Variants in COL14A1 observed in about 807,000 individuals in gnomAD.
COL14A1 encodes collagen type XIV alpha 1 chain.
Under a neutral mutation model 230.3 loss-of-function variants are expected in COL14A1, and 136 were observed. The ratio of observed to expected loss-of-function variants is 0.59; its 90% confidence interval spans 0.51 to 0.68. The LOEUF is 0.68. Ranked by LOEUF, COL14A1 falls within the 30% of genes least tolerant of loss-of-function variation. The pLI is 0.00. For synonymous variants in COL14A1, 792 were observed against 784.1 expected (o/e 1.01, Z -0.17); for missense variants, 1,976 against 2,215.8 (o/e 0.89, Z 2.17).
chr8:120,214,852 T>C (rs1817703377), intron 13 of COL14A1, among the ~76,000 whole-genome samples: 1 of 152,086 alleles, frequency 6.6e-6, no homozygotes, highest in Non-Finnish European at 1.5e-5. Flanking sequence ...CATAGAAAGC[T>C]TCACCAAGCA....
chr8:120,315,845 T>C, intron 39 of COL14A1, 99 bp from the exon 40 acceptor site: 1 of 1,221,300 alleles, frequency 8.2e-7, no homozygotes. Context: ...CATTATGCTC[T>C]TAGGTTTGTT....
chr8:120,247,291 T>A (rs141965897), intron 20 of COL14A1, among the ~76,000 whole-genome samples: 1,826 of 152,110 alleles, frequency 0.012, 32 homozygotes, highest in African/African-American at 0.041. Flanking sequence ...GACGTGGTGG[T>A]ACGTGCCTGT....
chr8:120,262,488 CA>C (rs900107533), intron 23 of COL14A1, among the ~76,000 whole-genome samples: 2 of 151,638 alleles, frequency 1.3e-5, no homozygotes, highest in Non-Finnish European at 2.9e-5. Flanking sequence ...AAAACAAAAA[CA>C]AAAACAAAAA....
chr8:120,299,456 T>G (rs1293341167), intron 35 of COL14A1, among the ~76,000 whole-genome samples: 1 of 152,122 alleles, frequency 6.6e-6, no homozygotes, highest in Non-Finnish European at 1.5e-5. Context: ...CTCTGTTGTA[T>G]CAAGCAAAGA....
chr8:120,168,902 C>T (rs1348804737), intron 5 of COL14A1, among the ~76,000 whole-genome samples: 4 of 152,134 alleles, frequency 2.6e-5, no homozygotes, highest in African/African-American at 9.7e-5. Context: ...GTCACCCAGG[C>T]TAGAATTTAG....
chr8:120,264,442 A>T (rs16893781), intron 24 of COL14A1, among the ~76,000 whole-genome samples: 2,363 of 152,240 alleles, frequency 0.016, 57 homozygotes, highest in African/African-American at 0.053. Flanking sequence ...TTATGGCTTT[A>T]GGCGATTCAG....
intron 23 of COL14A1, among the ~76,000 whole-genome samples, chr8:120,256,951 T>C (rs1295973884): frequency 6.6e-6 from 1 of 152,240 alleles, no homozygotes; most frequent in Non-Finnish European, 1.5e-5. Flanking sequence ...ACTATATATG[T>C]TGACACAACG....
In COL14A1 at chr8:120,239,832, G is replaced by GT. The variant is rs778744181; in HGVS notation, c.2350-4037dup. On this transcript the variant is annotated intron_variant, in intron 19 of 47. Coordinates refer to ENST00000297848, the MANE Select transcript of COL14A1 (RefSeq NM_021110.4). ...TTGTTTTGTTTTGTTTCTGTTTTTT[G>GT]TTTTTTTTTTGTTTGTTTGCTTTTT... Among the ~76,000 whole-genome samples, 336 of 99,142 alleles carry GT rather than the reference G, an allele frequency of 3.4e-3. 1 individual carries two copies. The highest frequency in any genetic ancestry group is 0.014 in the African/African-American group (267 of 19,320). The allele number at this position is 99,142 out of a possible 152,430, so 65.0% of individuals were successfully genotyped here.
At chr8:120,135,348 C>T (rs930798884) in intron 1 of COL14A1, among the ~76,000 whole-genome samples, 1 of 152,140 alleles carries the variant, frequency 6.6e-6, no homozygotes, top group East Asian at 1.9e-4. Flanking sequence ...ACTGAAACCT[C>T]CACCTTCCAG....
At chr8:120,153,289 C>T (rs996585990) in intron 2 of COL14A1, among the ~76,000 whole-genome samples, 1 of 152,092 alleles carries the variant, frequency 6.6e-6, no homozygotes, top group Non-Finnish European at 1.5e-5. Context: ...CTCAAGTGAT[C>T]CTCCTATCTC....
At chr8:120,172,683 T>G (rs1333583043) in intron 5 of COL14A1, among the ~76,000 whole-genome samples, 1 of 152,160 alleles carries the variant, frequency 6.6e-6, no homozygotes, top group East Asian at 1.9e-4. Flanking sequence ...GACAGACAGT[T>G]TTCCCCCCAC....
At chr8:120,229,423 C>T (rs1818197268) in intron 18 of COL14A1, among the ~76,000 whole-genome samples, 1 of 151,908 alleles carries the variant, frequency 6.6e-6, no homozygotes, top group African/African-American at 2.4e-5. Context: ...CATCCATGTC[C>T]CTACAAAGGA....
At chr8:120,217,194 TA>T (rs1268911093) in intron 14 of COL14A1, among the ~76,000 whole-genome samples, 1 of 152,210 alleles carries the variant, frequency 6.6e-6, no homozygotes, top group Non-Finnish European at 1.5e-5. Context: ...TTGTCTAGTT[TA>T]TCCTGCTTTT....
intron 13 of COL14A1, among the ~76,000 whole-genome samples, chr8:120,213,282 A>G (rs1817663061): frequency 6.6e-6 from 1 of 152,188 alleles, no homozygotes; most frequent in Non-Finnish European, 1.5e-5. Context: ...AATACTTACC[A>G]CATACTATTA....
chr8:120,292,937 C>A (rs1161828286), intron 34 of COL14A1, among the ~76,000 whole-genome samples: 1 of 152,006 alleles, frequency 6.6e-6, no homozygotes, highest in African/African-American at 2.4e-5. Flanking sequence ...TTCAGCAATG[C>A]AAGATTGTAT....
intron 10 of COL14A1, 57 bp downstream of exon 10, chr8:120,207,151 A>G (rs1179507788): frequency 7.0e-7 from 1 of 1,420,570 alleles, no homozygotes. Context: ...GTCTTCTACA[A>G]TAGTGAGAAC....
chr8:120,266,591 C>A (rs754316019), intron 24 of COL14A1, among the ~76,000 whole-genome samples: 27 of 152,018 alleles, frequency 1.8e-4, no homozygotes, highest in Non-Finnish European at 3.2e-4. Flanking sequence ...TTCATTGACT[C>A]CTGCTGGGTA....
intron 22 of COL14A1, among the ~76,000 whole-genome samples, 195 bp downstream of exon 22, chr8:120,250,961 C>G (rs1818928730): frequency 2.0e-5 from 3 of 152,180 alleles, no homozygotes; most frequent in Admixed American, 6.5e-5. Context: ...GCACAAGACA[C>G]CATGCCCAGT....
chr8:120,337,532 T>C (rs936156907), intron 42 of COL14A1, among the ~76,000 whole-genome samples: 34 of 152,314 alleles, frequency 2.2e-4, no homozygotes, highest in African/African-American at 8.2e-4. Context: ...TGGAAGACGT[T>C]TCAAGCCAGC....
Sources: allele counts gnomAD v4.1 joint callset (sites outside exome capture counted in the v4.1 genomes callset), GRCh38; gene constraint gnomAD v4.1.1; transcripts MANE v1.5; gene names NCBI Gene and HGNC (gene_info 2026-07-23, HGNC 2026-07-21).